SGMS1: variants seen among roughly 807,000 people sequenced by gnomAD.
SGMS1 encodes phosphatidylcholine:ceramide cholinephosphotransferase 1.
A neutral mutation model predicts 46.2 loss-of-function variants in SGMS1; 13 were observed. The observed-to-expected ratio is 0.28, with a 90% confidence interval of 0.18 to 0.45. SGMS1 has a LOEUF of 0.45. Ranked by LOEUF, SGMS1 falls within the 20% of genes least tolerant of loss-of-function variation. The pLI is 1.00. For synonymous variants in SGMS1, 203 were observed against 187.8 expected (o/e 1.08, Z -0.66); for missense variants, 324 against 519.9 (o/e 0.62, Z 3.66).
intron 1 of SGMS1, among the ~76,000 whole-genome samples, chr10:50,620,897 A>AATG (rs1838843555): frequency 6.6e-6 from 1 of 152,190 alleles, no homozygotes; most frequent in Admixed American, 6.5e-5. Flanking sequence ...TAATAATAAT[A>AATG]ATACTGCTAG....
chr10:50,623,329 G>C (rs527984975), intron 1 of SGMS1, among the ~76,000 whole-genome samples: 1 of 152,100 alleles, frequency 6.6e-6, no homozygotes, highest in South Asian at 2.1e-4. Flanking sequence ...CTGCCCAAAG[G>C]CTCCCCGCCT....
At chr10:50,387,222 T>C (rs547272380) in intron 6 of SGMS1, among the ~76,000 whole-genome samples, 2 of 152,194 alleles carry the variant, frequency 1.3e-5, no homozygotes, top group Non-Finnish European at 2.9e-5. Context: ...GGGAAATCCA[T>C]GTAGTTTCAC....
chr10:50,606,100 A>C (rs7073182), intron 1 of SGMS1, among the ~76,000 whole-genome samples: 114,889 of 152,184 alleles, frequency 0.75, 44,081 homozygotes, highest in African/African-American at 0.9. Flanking sequence ...CAAGTGTCCA[A>C]TGACAGATGA....
At chr10:50,475,263 C>A (rs189588555) in intron 3 of SGMS1, among the ~76,000 whole-genome samples, 1 of 152,122 alleles carries the variant, frequency 6.6e-6, no homozygotes, top group African/African-American at 2.4e-5. Flanking sequence ...TGGATATTAA[C>A]CAATTTTGTT....
At chr10:50,321,988 GAGA>G (rs1269964577) in intron 8 of SGMS1, among the ~76,000 whole-genome samples, 1 of 152,218 alleles carries the variant, frequency 6.6e-6, no homozygotes, top group Admixed American at 6.5e-5. Flanking sequence ...GACAGTGGCA[GAGA>G]AGAATATGAA....
intron 3 of SGMS1, among the ~76,000 whole-genome samples, chr10:50,475,759 C>T (rs1837416436): frequency 1.3e-5 from 2 of 151,982 alleles, no homozygotes; most frequent in African/African-American, 4.8e-5. Context: ...GTAGCATCTC[C>T]CCAACCATTC....
chr10:50,587,416 C>T (rs1268694388), intron 2 of SGMS1, among the ~76,000 whole-genome samples: 3 of 152,154 alleles, frequency 2.0e-5, no homozygotes, highest in Non-Finnish European at 4.4e-5. Context: ...GGGTGGATCA[C>T]GAGGTCAGGA....
At chr10:50,424,574 G>A (rs1474953533) in intron 6 of SGMS1, among the ~76,000 whole-genome samples, 1 of 152,128 alleles carries the variant, frequency 6.6e-6, no homozygotes, top group Non-Finnish European at 1.5e-5. Context: ...TAATTAAAGA[G>A]CTTCTGCACA....
chr10:50,402,102 A>G (rs1159607332), intron 6 of SGMS1, among the ~76,000 whole-genome samples: 1 of 151,062 alleles, frequency 6.6e-6, no homozygotes, highest in East Asian at 1.9e-4. Context: ...TTACCAAACT[A>G]CAATAAATTT....
At chr10:50,325,926 A>C (rs1204792791) in intron 8 of SGMS1, among the ~76,000 whole-genome samples, 4 of 152,138 alleles carry the variant, frequency 2.6e-5, no homozygotes, top group African/African-American at 9.7e-5. Flanking sequence ...TTGGATTTTC[A>C]ATGACAACAA....
intron 6 of SGMS1, among the ~76,000 whole-genome samples, chr10:50,374,419 C>T (rs572835752): frequency 2.6e-5 from 4 of 152,098 alleles, no homozygotes; most frequent in Non-Finnish European, 5.9e-5. Context: ...TGCACTCTCT[C>T]CAATCTGTGC....
chr10:50,597,978 C>T (rs7908093), intron 1 of SGMS1, among the ~76,000 whole-genome samples: 26,584 of 149,674 alleles, frequency 0.18, 2,532 homozygotes, highest in Non-Finnish European at 0.2. Context: ...CACCACTGCA[C>T]TCCAGCCTGG....
intron 2 of SGMS1, among the ~76,000 whole-genome samples, chr10:50,583,912 A>G (rs1454959164): frequency 2.6e-5 from 4 of 152,228 alleles, no homozygotes; most frequent in African/African-American, 9.6e-5. Context: ...CTGACAAGAT[A>G]ACTCCACATT....
intron 3 of SGMS1, among the ~76,000 whole-genome samples, chr10:50,501,060 T>C (rs1404282783): frequency 2.0e-5 from 3 of 152,324 alleles, no homozygotes; most frequent in African/African-American, 7.2e-5. Context: ...TGGGTCTCAG[T>C]GATTATGGGG....
At chr10:50,377,191 G>C (rs1564894649) in intron 6 of SGMS1, among the ~76,000 whole-genome samples, 2 of 152,206 alleles carry the variant, frequency 1.3e-5, no homozygotes, top group Non-Finnish European at 2.9e-5. Flanking sequence ...TTGGTTTCCG[G>C]TGAGGGCCTC....
chr10:50,576,056 T>C (rs1055547799), intron 2 of SGMS1, among the ~76,000 whole-genome samples: 2 of 151,960 alleles, frequency 1.3e-5, no homozygotes, highest in African/African-American at 4.8e-5. Flanking sequence ...CTTCCCATGT[T>C]AGAGAGAGTG....
intron 7 of SGMS1, among the ~76,000 whole-genome samples, chr10:50,336,731 T>C (rs1847723111): frequency 6.6e-6 from 1 of 152,172 alleles, no homozygotes; most frequent in South Asian, 2.1e-4. Flanking sequence ...ATGAAGAGCC[T>C]TCAGTGCCCA....
intron 6 of SGMS1, among the ~76,000 whole-genome samples, chr10:50,416,837 TA>T (rs36028635): frequency 0.025 from 2,880 of 117,256 alleles, 89 homozygotes; most frequent in African/African-American, 0.087. Flanking sequence ...TTTATAGAAC[TA>T]AAAAAAAAAA....
chr10:50,367,533 C>T (rs992477146), intron 6 of SGMS1, among the ~76,000 whole-genome samples: 8 of 152,178 alleles, frequency 5.3e-5, no homozygotes, highest in Admixed American at 3.3e-4. Context: ...TCCCTGTCTC[C>T]TTCTGCTGGT....
Sources: allele counts gnomAD v4.1 joint callset (sites outside exome capture counted in the v4.1 genomes callset), GRCh38; gene constraint gnomAD v4.1.1; transcripts MANE v1.5; gene names NCBI Gene and HGNC (gene_info 2026-07-23, HGNC 2026-07-21).